Variants in PARD3 observed in about 807,000 individuals in gnomAD.
PARD3 encodes par-3 family cell polarity regulator, also known as partitioning defective 3 homolog.
In PARD3, 75 loss-of-function variants were observed where a neutral mutation model predicts 155.4. That is an observed-to-expected ratio of 0.48 (90% CI 0.40 to 0.58). PARD3 has a LOEUF of 0.58. Among genes scored for constraint, PARD3 ranks in the 20% least tolerant of loss-of-function variants. The pLI is 0.00. For synonymous variants in PARD3, 576 were observed against 610.5 expected, an observed-to-expected ratio of 0.94 and a Z score of 0.83; for missense variants, 1,642 against 1,721.7, an observed-to-expected ratio of 0.95 and a Z score of 0.82.
intron 2 of PARD3, among the ~76,000 whole-genome samples, chr10:34,599,418 C>A (rs951513263): frequency 6.6e-6 from 1 of 152,112 alleles, no homozygotes; most frequent in Non-Finnish European, 1.5e-5. Flanking sequence ...AGTTCAATTC[C>A]ACTCATTGGA....
chr10:34,567,005 T>C (rs567960392), intron 2 of PARD3, among the ~76,000 whole-genome samples: 1 of 152,344 alleles, frequency 6.6e-6, no homozygotes, highest in South Asian at 2.1e-4. Flanking sequence ...TCTTTGACTA[T>C]AGTCACTTCC....
At chr10:34,350,923 A>G (rs1368303357) in intron 14 of PARD3, among the ~76,000 whole-genome samples, 1 of 152,146 alleles carries the variant, frequency 6.6e-6, no homozygotes, top group Non-Finnish European at 1.5e-5. Flanking sequence ...ACTTGGAAAT[A>G]TATTACCACA....
At chr10:34,732,818 C>CA (rs59186781) in intron 1 of PARD3, among the ~76,000 whole-genome samples, 1 of 152,184 alleles carries the variant, frequency 6.6e-6, no homozygotes, top group South Asian at 2.1e-4. Context: ...GTTGAGCCTT[C>CA]AAATAAATGG....
chr10:34,736,560 G>A (rs1000908397), intron 1 of PARD3, among the ~76,000 whole-genome samples: 3 of 151,800 alleles, frequency 2.0e-5, no homozygotes, highest in South Asian at 2.1e-4. Flanking sequence ...ACTTGAATCC[G>A]CACCACTGTC....
chr10:34,353,560 C>A (rs1043438716), intron 14 of PARD3, among the ~76,000 whole-genome samples: 7 of 152,030 alleles, frequency 4.6e-5, no homozygotes, highest in African/African-American at 1.7e-4. Flanking sequence ...TCTCAAGTAC[C>A]CAGGGACACA....
chr10:34,361,161 A>C (rs1839399024), intron 12 of PARD3, among the ~76,000 whole-genome samples: 1 of 152,168 alleles, frequency 6.6e-6, no homozygotes, highest in African/African-American at 2.4e-5. Flanking sequence ...CCATCTCTAT[A>C]CTGGTCATGT....
intron 12 of PARD3, among the ~76,000 whole-genome samples, chr10:34,361,575 A>T (rs1184694201): frequency 6.6e-6 from 1 of 152,218 alleles, no homozygotes; most frequent in East Asian, 1.9e-4. Context: ...TGGGGCATAA[A>T]CATGCAATCT....
chr10:34,362,015 C>T (rs1047878797), intron 12 of PARD3, among the ~76,000 whole-genome samples: 2 of 152,154 alleles, frequency 1.3e-5, no homozygotes, highest in African/African-American at 2.4e-5. Context: ...TGGTGGCTCA[C>T]GCCCATAATC....
chr10:34,463,762 A>G (rs2077829221), intron 4 of PARD3, among the ~76,000 whole-genome samples: 1 of 152,242 alleles, frequency 6.6e-6, no homozygotes, highest in Non-Finnish European at 1.5e-5. Context: ...AATGGTGATC[A>G]CATAAGATTA....
chr10:34,622,873 A>G (rs1253778965), intron 2 of PARD3, among the ~76,000 whole-genome samples: 1 of 115,704 alleles, frequency 8.6e-6, no homozygotes, highest in East Asian at 2.4e-4. Flanking sequence ...CCATATTAAT[A>G]TTATTTCTTA....
At chr10:34,277,708 G>A (rs143126345) in intron 21 of PARD3, among the ~76,000 whole-genome samples, 50 of 152,210 alleles carry the variant, frequency 3.3e-4, no homozygotes, top group African/African-American at 1.2e-3. Flanking sequence ...GCTAAAATGA[G>A]ATGAAACTGG....
At chr10:34,485,230 C>T (rs1051430742) in intron 3 of PARD3, among the ~76,000 whole-genome samples, 1 of 151,916 alleles carries the variant, frequency 6.6e-6, no homozygotes, top group Non-Finnish European at 1.5e-5. Context: ...GCCAGCTACT[C>T]GGGAGGCTGA....
At chr10:34,636,234 T>G (rs56285678) in intron 2 of PARD3, among the ~76,000 whole-genome samples, 1 of 152,148 alleles carries the variant, frequency 6.6e-6, no homozygotes, top group Non-Finnish European at 1.5e-5. Flanking sequence ...CAGCACTCCC[T>G]GTACACCTGC....
intron 1 of PARD3, among the ~76,000 whole-genome samples, chr10:34,782,286 A>T (rs1244842728): frequency 6.6e-6 from 1 of 152,202 alleles, no homozygotes; most frequent in Non-Finnish European, 1.5e-5. Context: ...TGAAGTTCTA[A>T]GACAGCAGAG....
intron 1 of PARD3, among the ~76,000 whole-genome samples, chr10:34,797,617 A>C (rs1314542461): frequency 4.6e-5 from 7 of 152,200 alleles, no homozygotes; most frequent in African/African-American, 1.7e-4. Flanking sequence ...CACTACTCAG[A>C]AGCCCTCATC....
rs1836836546 is a variant in PARD3, at chr10:34,757,101, G to A, written c.120+57775C>T. On this transcript the variant is annotated intron_variant, in intron 1 of 24. Transcript: ENST00000374788. The stretch of plus-strand genomic sequence containing the variant: ...ATGTTTTTTATCCAAATCTGTTTTC[G>A]AAGTCTATGACAGCATTTTGCATCT... 3.9e-5 allele frequency among the ~76,000 whole-genome samples: 6 copies of A among 152,052 alleles called. 1 individual carries two copies. The highest frequency in any genetic ancestry group is 4.1e-4 in the South Asian group (2 of 4,824).
chr10:34,552,656 G>A (rs983241811), intron 2 of PARD3, among the ~76,000 whole-genome samples: 2 of 151,750 alleles, frequency 1.3e-5, no homozygotes, highest in Admixed American at 6.6e-5. Flanking sequence ...GGAGGTTACA[G>A]TGAGCTGAGG....
intron 20 of PARD3, among the ~76,000 whole-genome samples, chr10:34,285,567 C>A (rs1337796639): frequency 1.3e-5 from 2 of 150,228 alleles, no homozygotes; most frequent in African/African-American, 2.5e-5. Flanking sequence ...AAGAGGGAGA[C>A]CTTATTTCAA....
At chr10:34,489,585 A>G (rs1470167878) in intron 3 of PARD3, among the ~76,000 whole-genome samples, 1 of 152,254 alleles carries the variant, frequency 6.6e-6, no homozygotes, top group Admixed American at 6.5e-5. Flanking sequence ...GCTCCAAGGC[A>G]GCAATAAGAC....
Sources: gnomAD v4.1 joint callset for allele counts (sites outside exome capture counted in the v4.1 genomes callset) on GRCh38, gnomAD v4.1.1 for gene constraint, MANE v1.5 for transcripts, NCBI Gene and HGNC (gene_info 2026-07-23, HGNC 2026-07-21) for gene names.